The following LEPR variants were observed in gnomAD, a reference collection of about 807,000 sequenced individuals.
LEPR encodes OB receptor.
A neutral mutation model predicts 114.7 loss-of-function variants in LEPR; 56 were observed. The observed-to-expected ratio is 0.49, with a 90% CI of 0.39 to 0.61. The LOEUF (loss-of-function observed/expected upper bound fraction) is 0.61. Among genes scored for constraint, LEPR ranks in the 20% least tolerant of loss-of-function variants. The pLI is 0.00. For synonymous variants in LEPR, 443 were observed against 461.4 expected (o/e 0.96, Z 0.51); for missense variants, 1,202 against 1,352.9 (o/e 0.89, Z 1.75).
intron 11 of LEPR, among the ~76,000 whole-genome samples, chr1:65,606,763 C>T (rs1472885684): frequency 6.6e-6 from 1 of 152,130 alleles, no homozygotes; most frequent in Non-Finnish European, 1.5e-5. Context: ...AAGAAATTAT[C>T]AAGAGGTGAA....
At chr1:65,617,815 A>T in intron 15 of LEPR, 149 bp from the exon 16 acceptor site, 1 of 752,832 alleles carries the variant, frequency 1.3e-6, no homozygotes, top group Non-Finnish European at 2.0e-6. Context: ...CTCATGATGC[A>T]AAAGTAATTG....
chr1:65,564,845 A>T (rs981981648), intron 2 of LEPR, among the ~76,000 whole-genome samples: 1 of 152,208 alleles, frequency 6.6e-6, no homozygotes, highest in Non-Finnish European at 1.5e-5. Context: ...ATATATTAAA[A>T]TTATACTACT....
chr1:65,599,180 A>G (rs1294082959), intron 8 of LEPR, among the ~76,000 whole-genome samples: 1 of 152,184 alleles, frequency 6.6e-6, no homozygotes, highest in Non-Finnish European at 1.5e-5. Flanking sequence ...TATATAATAA[A>G]TGAATTATTT....
At chr1:65,591,061 C>T (rs1291255106) in intron 5 of LEPR, among the ~76,000 whole-genome samples, 1 of 152,010 alleles carries the variant, frequency 6.6e-6, no homozygotes, top group Non-Finnish European at 1.5e-5. Flanking sequence ...TTTTCATGTA[C>T]TTAAAAAATC....
chr1:65,599,566 G>T (rs1365228779), intron 8 of LEPR, among the ~76,000 whole-genome samples: 1 of 152,140 alleles, frequency 6.6e-6, no homozygotes, highest in East Asian at 1.9e-4. Context: ...AAGGCAAGTA[G>T]CAATAGTAGT....
At chr1:65,626,247 A>G (rs1321448842) in intron 19 of LEPR, 2 of 1,458,856 alleles carry the variant, frequency 1.4e-6, no homozygotes. Context: ...GCCACAGGTC[A>G]TCTGACAGAC....
intron 16 of LEPR, among the ~76,000 whole-genome samples, chr1:65,619,637 C>A (rs1657752759): frequency 6.6e-6 from 1 of 152,048 alleles, no homozygotes; most frequent in Non-Finnish European, 1.5e-5. Context: ...AGCTCATACA[C>A]CCTGCACTTG....
chr1:65,471,020 A>G (rs1434716421), intron 2 of LEPR, among the ~76,000 whole-genome samples: 1 of 152,242 alleles, frequency 6.6e-6, no homozygotes. Context: ...GAGCTCCAGA[A>G]GTGTTCTTGT....
intron 2 of LEPR, among the ~76,000 whole-genome samples, chr1:65,557,550 G>T (rs1475663165): frequency 1.3e-5 from 2 of 152,026 alleles, no homozygotes; most frequent in African/African-American, 2.4e-5. Flanking sequence ...CTCCCAAGTA[G>T]CTGGGATTAC....
chr1:65,597,038 T>C (rs1037225266), intron 7 of LEPR, among the ~76,000 whole-genome samples: 3 of 152,078 alleles, frequency 2.0e-5, no homozygotes, highest in African/African-American at 7.2e-5. Flanking sequence ...ACCCTGGATA[T>C]CTGATGAATA....
At chr1:65,607,185 G>T (rs1003685353) in intron 11 of LEPR, among the ~76,000 whole-genome samples, 6 of 152,126 alleles carry the variant, frequency 3.9e-5, no homozygotes, top group Non-Finnish European at 7.4e-5. Flanking sequence ...TATGGTTTGG[G>T]TTATTTAGGT....
chr1:65,547,893 T>A (rs536591391), intron 2 of LEPR, among the ~76,000 whole-genome samples: 1 of 141,522 alleles, frequency 7.1e-6, no homozygotes, highest in South Asian at 2.3e-4. Flanking sequence ...CTTTTAATTG[T>A]GATGTTAGGG....
Position 65,636,574 on chromosome 1 carries a change from G to A in LEPR, c.3057G>A (p.Pro1019=), listed in dbSNP as rs1805096. Residue 1019 remains proline (P), a synonymous_variant, in exon 20 of 20, where the codon CCG becomes CCA. Coordinates refer to ENST00000349533, the MANE Select transcript of LEPR (RefSeq NM_002303.6). ...VTKCFSSKNS[P]LKDSFSNSSW... is the part of the protein sequence containing the mutation. ...AGTGCTTCTCTAGCAAAAATTCTCC[G>A]TTGAAGGATTCTTTCTCTAATAGCT... The A allele has an allele frequency of 0.41, 655,639 of 1,613,714 alleles. 139,816 individuals are homozygous for A. The highest frequency in any genetic ancestry group is 0.87 in the East Asian group (38,963 of 44,862).
At chr1:65,632,059 G>T (rs542539050) in intron 19 of LEPR, among the ~76,000 whole-genome samples, 25 of 152,202 alleles carry the variant, frequency 1.6e-4, no homozygotes, top group African/African-American at 5.3e-4. Flanking sequence ...CTTTAGCGGG[G>T]CTAAAGCTAG....
At chr1:65,581,290 A>G (rs546058359) in intron 5 of LEPR, among the ~76,000 whole-genome samples, 37 of 152,076 alleles carry the variant, frequency 2.4e-4, no homozygotes, top group African/African-American at 8.7e-4. Context: ...CTACTACTCA[A>G]CTTCAGGAAT....
chr1:65,613,717 C>T (rs1657331183), intron 14 of LEPR, among the ~76,000 whole-genome samples: 1 of 46,466 alleles, frequency 2.2e-5, no homozygotes, highest in South Asian at 6.7e-4. Flanking sequence ...TGCGCCATTG[C>T]AGTCCGCAGT....
At chr1:65,469,173 A>G (rs1293276286) in intron 2 of LEPR, among the ~76,000 whole-genome samples, 1 of 152,174 alleles carries the variant, frequency 6.6e-6, no homozygotes, top group Non-Finnish European at 1.5e-5. Flanking sequence ...AACCTGAGCT[A>G]TGCTGAGTCC....
intron 19 of LEPR, among the ~76,000 whole-genome samples, chr1:65,631,746 T>C (rs1315865227): frequency 6.6e-6 from 1 of 152,188 alleles, no homozygotes; most frequent in African/African-American, 2.4e-5. Context: ...TAGCCTTGCT[T>C]TTCTTCCAAT....
chr1:65,453,711 A>G (rs1210017823), intron 2 of LEPR, among the ~76,000 whole-genome samples: 2 of 152,120 alleles, frequency 1.3e-5, no homozygotes, highest in Admixed American at 6.5e-5. Context: ...TATGTGGTCA[A>G]TTTTGGAATA....
Sources: gnomAD v4.1 joint callset for allele counts (sites outside exome capture counted in the v4.1 genomes callset) on GRCh38, gnomAD v4.1.1 for gene constraint, MANE v1.5 for transcripts, NCBI Gene and HGNC (gene_info 2026-07-23, HGNC 2026-07-21) for gene names.